ERC2: variants seen among roughly 807,000 people sequenced by gnomAD.
The protein encoded by ERC2 is ERC protein 2.
Under a neutral mutation model 114.8 loss-of-function variants are expected in ERC2, and 42 were observed. The ratio of observed to expected loss-of-function variants is 0.37; its 90% CI spans 0.29 to 0.47. The LOEUF is 0.47. Among genes scored for constraint, ERC2 ranks in the 20% least tolerant of loss-of-function variants. The probability of loss-of-function intolerance (pLI) is 0.99; values close to 1 mark genes in which losing one functional copy is unlikely to be tolerated. For missense variants in ERC2, 939 were observed against 1,150.7 expected, an observed-to-expected ratio of 0.82 and a Z score of 2.66; for synonymous variants, 454 against 425.5, an observed-to-expected ratio of 1.07 and a Z score of -0.82.
intron 3 of ERC2, among the ~76,000 whole-genome samples, chr3:56,281,883 T>C (rs1041443562): frequency 6.6e-6 from 1 of 152,206 alleles, no homozygotes; most frequent in Non-Finnish European, 1.5e-5. Context: ...ATAAGTGACA[T>C]GTAAAATGCC....
At chr3:56,219,686 A>AG (rs1186899736) in intron 3 of ERC2, among the ~76,000 whole-genome samples, 6 of 151,620 alleles carry the variant, frequency 4.0e-5, no homozygotes, top group African/African-American at 1.5e-4. Context: ...AAAAAAAAAA[A>AG]AAAAAGAAAT....
At chr3:56,003,363 G>C (rs2072230244) in intron 10 of ERC2, among the ~76,000 whole-genome samples, 1 of 152,142 alleles carries the variant, frequency 6.6e-6, no homozygotes, top group South Asian at 2.1e-4. Flanking sequence ...AGAAATGTAA[G>C]GTTTGTGTTA....
intron 14 of ERC2, among the ~76,000 whole-genome samples, chr3:55,796,400 T>G (rs2070492160): frequency 6.6e-6 from 1 of 152,322 alleles, no homozygotes; most frequent in East Asian, 1.9e-4. Context: ...ATTACAGAAC[T>G]GCAGTCCATG....
intron 14 of ERC2, among the ~76,000 whole-genome samples, chr3:55,782,457 C>G (rs1010284685): frequency 1.3e-5 from 2 of 152,182 alleles, no homozygotes; most frequent in African/African-American, 4.8e-5. Flanking sequence ...TGAATCAGTA[C>G]CCGTCTCTCC....
chr3:56,366,829 C>T (rs954336942), intron 2 of ERC2, among the ~76,000 whole-genome samples: 17 of 152,178 alleles, frequency 1.1e-4, no homozygotes, highest in Middle Eastern at 3.2e-3. Flanking sequence ...CTTGGACAAA[C>T]GTTTCTGTGA....
chr3:56,418,753 T>A (rs2061270729), intron 2 of ERC2, among the ~76,000 whole-genome samples: 1 of 152,172 alleles, frequency 6.6e-6, no homozygotes, highest in Non-Finnish European at 1.5e-5. Flanking sequence ...GTGAAGTGAT[T>A]CACAGACTTT....
At chr3:56,227,133 A>C (rs2050298327) in intron 3 of ERC2, among the ~76,000 whole-genome samples, 1 of 151,870 alleles carries the variant, frequency 6.6e-6, no homozygotes, top group African/African-American at 2.4e-5. Flanking sequence ...CTTTGCAAAT[A>C]CCCTCACATC....
chr3:56,225,723 C>T (rs910465365), intron 3 of ERC2, among the ~76,000 whole-genome samples: 2 of 152,144 alleles, frequency 1.3e-5, no homozygotes. Flanking sequence ...AGTGATAAAA[C>T]CAATATAATC....
intron 17 of ERC2, among the ~76,000 whole-genome samples, chr3:55,541,532 C>T (rs2054394139): frequency 6.6e-6 from 1 of 152,190 alleles, no homozygotes; most frequent in Non-Finnish European, 1.5e-5. Flanking sequence ...AATGGTCATT[C>T]CCATTCTTGG....
intron 17 of ERC2, among the ~76,000 whole-genome samples, chr3:55,544,958 T>G (rs2054641175): frequency 6.6e-6 from 1 of 152,238 alleles, no homozygotes; most frequent in African/African-American, 2.4e-5. Flanking sequence ...TAAAGGTGTC[T>G]ACTTCTGTGG....
chr3:55,932,788 C>A (rs369751112), intron 13 of ERC2, among the ~76,000 whole-genome samples: 1 of 151,888 alleles, frequency 6.6e-6, no homozygotes, highest in Non-Finnish European at 1.5e-5. Context: ...TTTTTTTCAG[C>A]GAATACTCAG....
rs117455121 is a variant in ERC2 at position 56,096,442 on chromosome 3, G to A, written c.1474-15458C>T. On this transcript the variant is annotated intron_variant, in intron 6 of 17. Transcript: ENST00000288221. ...CAAAGCCAAGACATCACGCTCAGAA[G>A]GAGGAAAGCAGGAAATATCTGAACA... 1.4e-3 allele frequency among the ~76,000 whole-genome samples: 219 copies of A among 152,250 alleles called. 2 individuals carry two copies. Among genetic ancestry groups the A allele is most frequent in the East Asian group, 6.9e-3 (36 of 5,184 alleles).
intron 2 of ERC2, among the ~76,000 whole-genome samples, chr3:56,306,150 T>C (rs2056214556): frequency 6.6e-6 from 1 of 152,090 alleles, no homozygotes; most frequent in Admixed American, 6.6e-5. Flanking sequence ...CTCCCAGCCT[T>C]ATATATTGTC....
chr3:55,588,526 G>A (rs1257023176), intron 17 of ERC2, among the ~76,000 whole-genome samples: 2 of 152,112 alleles, frequency 1.3e-5, no homozygotes, highest in East Asian at 1.9e-4. Flanking sequence ...AATCCCCCTC[G>A]GCCTGATGAA....
At position 56,060,247 on chromosome 3, in the gene ERC2, T is replaced by C. The variant is rs1267528466; in HGVS notation, c.1641+20570A>G. Among the ~76,000 whole-genome samples, 7 of 152,348 alleles carry C rather than the reference T, an allele frequency of 4.6e-5. No homozygotes were observed. In the East Asian group the frequency reaches 1.2e-3, roughly 25 times the overall value. On this transcript the variant is annotated intron_variant, in intron 7 of 17. Coordinates refer to ENST00000288221, the MANE Select transcript of ERC2 (RefSeq NM_015576.3). ...TCTCCCATGGGCACATGAAGATTTC[T>C]ATATCCACAGATAATGGTTAAGAGT...
chr3:55,570,923 C>T (rs1443113660), intron 17 of ERC2, among the ~76,000 whole-genome samples: 11 of 152,002 alleles, frequency 7.2e-5, no homozygotes, highest in African/African-American at 2.4e-4. Flanking sequence ...GTCAAGAGAT[C>T]GAGACCATCC....
intron 14 of ERC2, among the ~76,000 whole-genome samples, chr3:55,761,481 T>G (rs2067425178): frequency 6.6e-6 from 1 of 152,214 alleles, no homozygotes; most frequent in African/African-American, 2.4e-5. Context: ...AGGCCATGGG[T>G]TTTCTGTTGC....
chr3:55,559,885 C>T (rs994604033), intron 17 of ERC2, among the ~76,000 whole-genome samples: 1 of 152,240 alleles, frequency 6.6e-6, no homozygotes, highest in Non-Finnish European at 1.5e-5. Context: ...AAACAGAGCG[C>T]TAGCCCACAG....
chr3:55,844,588 G>T (rs1335015798), intron 14 of ERC2, among the ~76,000 whole-genome samples: 1 of 152,140 alleles, frequency 6.6e-6, no homozygotes, highest in East Asian at 1.9e-4. Flanking sequence ...AAGATGTTCT[G>T]TTTTTTAATC....
Sources: allele counts gnomAD v4.1 joint callset (sites outside exome capture counted in the v4.1 genomes callset), GRCh38; gene constraint gnomAD v4.1.1; transcripts MANE v1.5; gene names NCBI Gene and HGNC (gene_info 2026-07-23, HGNC 2026-07-21).